Variants in NRXN1 observed in about 807,000 individuals in gnomAD.
NRXN1 encodes neurexin-1.
Under a neutral mutation model 150.9 loss-of-function variants are expected in NRXN1, and 39 were observed. That is an observed-to-expected ratio of 0.26 (90% confidence interval 0.20 to 0.34). NRXN1 has a LOEUF of 0.34. NRXN1 is among the 10% of genes least tolerant of loss of function. The probability of loss-of-function intolerance (pLI) is 1.00; values close to 1 mark genes in which losing one functional copy is unlikely to be tolerated. For synonymous variants in NRXN1, 924 were observed against 757.0 expected, an observed-to-expected ratio of 1.22 and a Z score of -3.62; for missense variants, 1,815 against 1,949.9, an observed-to-expected ratio of 0.93 and a Z score of 1.30.
At chr2:50,560,393 AACAAGCCCTGT>A (rs1668876585) in intron 8 of NRXN1, among the ~76,000 whole-genome samples, 1 of 151,786 alleles carries the variant, frequency 6.6e-6, no homozygotes, top group African/African-American at 2.4e-5. Context: ...GTAGAAAATG[AACAAGCCCTGT>A]ACAAAGTAGT....
intron 5 of NRXN1, among the ~76,000 whole-genome samples, chr2:50,879,090 G>A (rs543347414): frequency 1.3e-5 from 2 of 152,026 alleles, no homozygotes; most frequent in East Asian, 2.0e-4. Context: ...TTTAAGTAGA[G>A]CAGATGACCC....
At chr2:50,035,365 A>C (rs1689864561) in intron 21 of NRXN1, among the ~76,000 whole-genome samples, 1 of 152,122 alleles carries the variant, frequency 6.6e-6, no homozygotes, top group Non-Finnish European at 1.5e-5. Context: ...CTGAAAAGGT[A>C]GTATTTTCTG....
intron 18 of NRXN1, among the ~76,000 whole-genome samples, chr2:50,162,203 A>C (rs200667961): frequency 1.3e-5 from 2 of 152,140 alleles, no homozygotes; most frequent in African/African-American, 4.8e-5. Context: ...ATTCAGGACA[A>C]TAAACTAAAT....
chr2:50,351,059 T>C (rs1387522971), intron 17 of NRXN1, among the ~76,000 whole-genome samples: 3 of 152,182 alleles, frequency 2.0e-5, no homozygotes, highest in Non-Finnish European at 1.5e-5. Flanking sequence ...ACATGAGTAA[T>C]CTGGATGAAG....
chr2:50,175,888 T>C (rs1026430091), intron 18 of NRXN1, among the ~76,000 whole-genome samples: 1 of 152,156 alleles, frequency 6.6e-6, no homozygotes, highest in African/African-American at 2.4e-5. Context: ...ATTCTGCACA[T>C]TTTCTTCTCC....
In NRXN1 at chr2:50,867,025, T is replaced by A. The variant is rs555155102; in HGVS notation, c.832+54844A>T. 3.9e-5 allele frequency among the ~76,000 whole-genome samples: 6 copies of A among 151,942 alleles called. No individual in the cohort carries two copies. In the East Asian group the frequency reaches 1.2e-3, roughly 30 times the overall value. On this transcript the variant is annotated intron_variant, in intron 5 of 22. Coordinates refer to ENST00000401669, the MANE Select transcript of NRXN1 (RefSeq NM_001330078.2). ...AATGAAATAAACTACCTTCTCAATT[T>A]TTCATTTCAGTGCTAAAAGTTACTT...
At chr2:50,400,884 T>C (rs920073411) in intron 17 of NRXN1, among the ~76,000 whole-genome samples, 4 of 152,178 alleles carry the variant, frequency 2.6e-5, no homozygotes, top group Non-Finnish European at 4.4e-5. Context: ...CATGTTGTGA[T>C]GATATTTCAC....
chr2:50,616,633 A>AC (rs1437155837), intron 8 of NRXN1: 2 of 151,886 alleles, frequency 1.3e-5, no homozygotes, highest in Admixed American at 1.3e-4. Flanking sequence ...ATCCTGCTGG[A>AC]CCCCCTTATT....
intron 5 of NRXN1, among the ~76,000 whole-genome samples, chr2:50,902,241 T>C (rs1460253749): frequency 6.6e-6 from 1 of 152,128 alleles, no homozygotes; most frequent in Non-Finnish European, 1.5e-5. Flanking sequence ...CTCAGCAATA[T>C]TCATTATACC....
chr2:50,573,729 G>A (rs1467187016), intron 8 of NRXN1, among the ~76,000 whole-genome samples: 1 of 143,732 alleles, frequency 7.0e-6, no homozygotes. Context: ...AACAGCGGAT[G>A]GAAGATATTT....
chr2:50,143,752 C>T (rs1282611105), intron 18 of NRXN1, among the ~76,000 whole-genome samples: 1 of 151,426 alleles, frequency 6.6e-6, no homozygotes, highest in Non-Finnish European at 1.5e-5. Flanking sequence ...CTTCTAGATG[C>T]TGGCCATCTA....
At chr2:50,439,223 T>C (rs1031434489) in intron 17 of NRXN1, among the ~76,000 whole-genome samples, 2 of 152,234 alleles carry the variant, frequency 1.3e-5, no homozygotes, top group Non-Finnish European at 2.9e-5. Flanking sequence ...CTGGGTAGTA[T>C]GTTTAGTAGA....
intron 5 of NRXN1, among the ~76,000 whole-genome samples, chr2:50,829,233 G>C (rs1671029527): frequency 6.6e-6 from 1 of 151,726 alleles, no homozygotes; most frequent in African/African-American, 2.4e-5. Flanking sequence ...GAGAGGGAGA[G>C]GGAGACCGTG....
intron 5 of NRXN1, among the ~76,000 whole-genome samples, chr2:50,636,704 G>C (rs1418035867): frequency 6.6e-6 from 1 of 152,040 alleles, no homozygotes; most frequent in Non-Finnish European, 1.5e-5. Flanking sequence ...AATTCAGAAA[G>C]ACAAAGGAAT....
intron 17 of NRXN1, among the ~76,000 whole-genome samples, chr2:50,266,536 T>TACACACACACAC (rs67570666): frequency 2.7e-5 from 3 of 112,800 alleles, no homozygotes; most frequent in Admixed American, 9.5e-5. Flanking sequence ...TGTATATAAA[T>TACACACACACAC]ACACACACAC....
intron 17 of NRXN1, among the ~76,000 whole-genome samples, chr2:50,414,278 A>G (rs2083386907): frequency 6.6e-6 from 1 of 152,110 alleles, no homozygotes; most frequent in Non-Finnish European, 1.5e-5. Flanking sequence ...TGTATTTCAC[A>G]TTGCATATCT....
chr2:50,118,110 G>C (rs1056393387), intron 18 of NRXN1, among the ~76,000 whole-genome samples: 16 of 152,164 alleles, frequency 1.1e-4, no homozygotes, highest in African/African-American at 3.6e-4. Flanking sequence ...ACAAAAGTAA[G>C]ATCTTAACGT....
chr2:50,664,323 T>A (rs1424722160), intron 5 of NRXN1, among the ~76,000 whole-genome samples: 1 of 151,756 alleles, frequency 6.6e-6, no homozygotes, highest in Non-Finnish European at 1.5e-5. Context: ...CAAGTAATTT[T>A]CTGCTATAGC....
chr2:49,999,176 A>G (rs1374910196), intron 21 of NRXN1, among the ~76,000 whole-genome samples: 1 of 152,174 alleles, frequency 6.6e-6, no homozygotes, highest in African/African-American at 2.4e-5. Flanking sequence ...ATTAGCTATC[A>G]TGACTTTTTA....
Sources: allele counts gnomAD v4.1 joint callset (sites outside exome capture counted in the v4.1 genomes callset), GRCh38; gene constraint gnomAD v4.1.1; transcripts MANE v1.5; gene names NCBI Gene and HGNC (gene_info 2026-07-23, HGNC 2026-07-21).